Variants in RPE65 observed in about 807,000 individuals in gnomAD.
RPE65 encodes retinoid isomerohydrolase.
In RPE65, 58 loss-of-function variants were observed where a neutral mutation model predicts 68.5. The ratio of observed to expected loss-of-function variants is 0.85; its 90% CI spans 0.69 to 1.05. The LOEUF (loss-of-function observed/expected upper bound fraction) is 1.05, where lower values mean the gene tolerates loss of function less well. Ranked by LOEUF, RPE65 falls within the 50% of genes least tolerant of loss-of-function variation. RPE65 has a pLI of 0.00. For synonymous variants in RPE65, 220 were observed against 222.2 expected, an observed-to-expected ratio of 0.99 and a Z score of 0.09; for missense variants, 643 against 629.9, an observed-to-expected ratio of 1.02 and a Z score of -0.22.
In RPE65 at chr1:68,441,506, T is replaced by C. The variant is rs541682064; in HGVS notation, c.496-506A>G. On this transcript the variant is annotated intron_variant, in intron 5 of 13. Transcript: ENST00000262340. ...CTTCATCTAGTATAGAAAGTCTTAATTTAAATAGACTTTAGGAGAACCATG... is the reference window on the plus strand; with the variant it reads ...CTTCATCTAGTATAGAAAGTCTTAACTTAAATAGACTTTAGGAGAACCATG... Among the ~76,000 whole-genome samples the C allele has an allele frequency of 5.1e-4, 77 of 152,218 alleles. No homozygotes were observed. The South Asian group carries it at 6.8e-3, about 14-fold the overall frequency.
At chr1:68,443,668 TTTCTTAAAAGATTTTCC>T (rs1645919020) in intron 5 of RPE65, among the ~76,000 whole-genome samples, 2 of 152,222 alleles carry the variant, frequency 1.3e-5, no homozygotes. Flanking sequence ...GTATTTATGC[TTTCTTAAAAGATTTTCC>T]TTCTTAAAAG....
At chr1:68,446,921 T>G in intron 2 of RPE65, 61 bp from the exon 3 acceptor site, 2 of 1,609,530 alleles carry the variant, frequency 1.2e-6, no homozygotes, top group South Asian at 2.2e-5. Context: ...GGCTTGTCCT[T>G]GGTAAGGCAG....
At chr1:68,448,966 A>G (rs1645962650) in intron 1 of RPE65, among the ~76,000 whole-genome samples, 1 of 152,100 alleles carries the variant, frequency 6.6e-6, no homozygotes, top group African/African-American at 2.4e-5. Flanking sequence ...GTCAAGAGAC[A>G]TGACCTCTCT....
At chr1:68,446,960 T>C in intron 2 of RPE65, 100 bp from the exon 3 acceptor site, 2 of 1,471,012 alleles carry the variant, frequency 1.4e-6, no homozygotes, top group East Asian at 4.5e-5. Context: ...TTGGGCAGCT[T>C]CTTCCTCATA....
At position 68,439,269 on chromosome 1, in the gene RPE65, G is replaced by A; in HGVS notation, c.780C>T (p.Asn260=). 3.1e-6 allele frequency: 5 copies of A among 1,613,982 alleles called. No individual in the cohort carries two copies. Among genetic ancestry groups the A allele is most frequent in the Non-Finnish European group, 4.2e-6 (5 of 1,179,962 alleles). Residue 260 remains asparagine, a synonymous_variant, in exon 8 of 14, where the codon AAC becomes AAT. Coordinates refer to ENST00000262340, the MANE Select transcript of RPE65 (RefSeq NM_000329.3). ...IVFVETPVKI[N]LFKFLSSWSL... ...TCCATGAAGAAAGGAACTTGAACAG[G>A]TTAATTTTGACTGGTGTCTCCACAA...
chr1:68,434,091 GATATATATAT>G (rs56401732), intron 10 of RPE65, among the ~76,000 whole-genome samples: 3 of 138,558 alleles, frequency 2.2e-5, no homozygotes, highest in African/African-American at 8.2e-5. Context: ...GGGCATGAGG[GATATATATAT>G]ATATATATAT....
In RPE65 at chr1:68,444,682, C is replaced by A. The variant is rs1396125750; in HGVS notation, c.354-10G>T. On this transcript the variant is annotated splice_polypyrimidine_tract_variant and intron_variant, in intron 4 of 13. Transcript: ENST00000262340. Reference sequence around the variant, plus strand: ...AAAGTAAGAAAAAAACCTGTAGAAACAAATGAATTTTTCAGTCCAGTAATT... The same window carrying A: ...AAAGTAAGAAAAAAACCTGTAGAAAAAAATGAATTTTTCAGTCCAGTAATT... 1.9e-6 allele frequency: 3 copies of A among 1,613,876 alleles called. No homozygotes were observed. In the African/African-American group the frequency reaches 4.0e-5, roughly 22 times the overall value.
intron 1 of RPE65, 50 bp from the exon 2 acceptor site, chr1:68,448,756 C>A (rs182670797): frequency 6.6e-7 from 1 of 1,517,868 alleles, no homozygotes; most frequent in African/African-American, 1.4e-5. Flanking sequence ...GCTCAAAGTC[C>A]GCAGAGATAG....
Position 68,431,271 on chromosome 1 carries a change from G to A in RPE65, c.1338+11C>T. 6.2e-7 allele frequency: 1 copy of A among 1,612,576 alleles called. No individual in the cohort carries two copies. Among genetic ancestry groups the A allele is most frequent in the South Asian group, 1.1e-5 (1 of 91,048 alleles). On this transcript the variant is annotated intron_variant, in intron 12 of 13. Transcript: ENST00000262340. ...AGCACTGTTCAAATATTAGTAAGAA[G>A]GATTAATTACCCTATCTGGAACAAA...
At chr1:68,447,599 C>T (rs976147043) in intron 2 of RPE65, among the ~76,000 whole-genome samples, 9 of 152,174 alleles carry the variant, frequency 5.9e-5, no homozygotes, top group Non-Finnish European at 1.5e-5. Context: ...CGGTGGCTCG[C>T]GCTTGTAATC....
At chr1:68,443,191 C>T (rs1645915567) in intron 5 of RPE65, among the ~76,000 whole-genome samples, 1 of 152,226 alleles carries the variant, frequency 6.6e-6, no homozygotes. Flanking sequence ...TTTCATCCTA[C>T]CCTGTGTCTC....
Position 68,439,062 on chromosome 1 carries a change from TC to T in RPE65, c.877del (p.Asp293ThrfsTer32). 6.2e-7 allele frequency: 1 copy of T among 1,614,098 alleles called. No homozygotes were observed. Among genetic ancestry groups the T allele is most frequent in the Non-Finnish European group, 8.5e-7 (1 of 1,180,000 alleles). On this transcript the variant is annotated frameshift_variant, in exon 9 of 14. Transcript: ENST00000262340. LOFTEE classifies it high-confidence loss of function. Reference sequence around the variant, plus strand: ...ATTGAGGTACTTTTTCCTTTTTTTGTCAGCAATATGAAGCCAAACCTTGAAA... The same window carrying T: ...ATTGAGGTACTTTTTCCTTTTTTTGTAGCAATATGAAGCCAAACCTTGAAA... ...ETMGVWLHIA[D>X]KKRKKYLNNK... is the part of the protein sequence containing the mutation.
intron 10 of RPE65, among the ~76,000 whole-genome samples, chr1:68,435,857 C>T (rs1185717365): frequency 1.3e-5 from 2 of 152,192 alleles, no homozygotes; most frequent in Non-Finnish European, 2.9e-5. Context: ...TTCTTTCTCT[C>T]TGATACACTA....
chr1:68,440,862 G>T lies in RPE65; in HGVS notation c.634C>A (p.Leu212Met). The T allele has an allele frequency of 6.2e-7, 1 of 1,613,986 alleles. No individual in the cohort carries two copies. The highest frequency in any genetic ancestry group is 1.1e-5 in the South Asian group (1 of 91,076). ...AGATTGGTAAACTCACCTGCTTGCA[G>T]TGGTGGGATCTTTACAATGTTGTAG... is the stretch of plus-strand genomic sequence containing the variant. ...IAYNIVKIPP[L>M]QADKEDPISK... The change falls in exon 6 of 14, where the codon CTG becomes ATG. Residue 212 changes from leucine to methionine, a missense_variant. By Grantham distance (15) the Leu-to-Met change is conservative. Transcript: ENST00000262340.
At chr1:68,439,709 A>G (rs1427278407) in intron 6 of RPE65, 67 bp from the exon 7 acceptor site, 8 of 1,216,672 alleles carry the variant, frequency 6.6e-6, no homozygotes, top group Non-Finnish European at 9.8e-6. Context: ...CAAAGCATTT[A>G]GAACAGCTTA....
At chr1:68,447,509 T>C (rs1002623606) in intron 2 of RPE65, among the ~76,000 whole-genome samples, 1 of 152,174 alleles carries the variant, frequency 6.6e-6, no homozygotes, top group African/African-American at 2.4e-5. Flanking sequence ...CTGCAAAATG[T>C]GGGGTACCCA....
intron 13 of RPE65, 90 bp from the exon 14 acceptor site, chr1:68,430,017 C>T (rs1305718925): frequency 3.3e-6 from 5 of 1,516,856 alleles, no homozygotes; most frequent in Admixed American, 1.8e-5. Context: ...GGAGGTATTA[C>T]ATTGACAAAT....
intron 10 of RPE65, among the ~76,000 whole-genome samples, chr1:68,436,406 A>C (rs939137233): frequency 2.0e-5 from 3 of 151,870 alleles, no homozygotes; most frequent in Non-Finnish European, 4.4e-5. Context: ...TATAAAGTAA[A>C]ATTTATTCTT....
chr1:68,448,693 C>A lies in RPE65; in HGVS notation c.25G>T (p.Ala9Ser). ...TCAAACAGTTTCTTGTAACCACCAGCAGGATGCTCAACCCTGAAATGGTGG... is the reference window on the plus strand; with the variant it reads ...TCAAACAGTTTCTTGTAACCACCAGAAGGATGCTCAACCCTGAAATGGTGG... MSIQVEHPAGGYKKLFETV... is the reference protein window; with the variant it reads MSIQVEHPSGGYKKLFETV... The change falls in exon 2 of 14, where the codon GCT (alanine) becomes TCT (serine). Residue 9 changes from alanine to serine, a missense_variant. Ala to Ser is a moderately conservative substitution (Grantham distance 99, BLOSUM62 1). Coordinates refer to ENST00000262340, the MANE Select transcript of RPE65 (RefSeq NM_000329.3). 6.2e-7 allele frequency: 1 copy of A among 1,613,556 alleles called. No individual in the cohort carries two copies. Among genetic ancestry groups the A allele is most frequent in the Non-Finnish European group, 8.5e-7 (1 of 1,179,816 alleles).
Sources: gnomAD v4.1 joint callset for allele counts (sites outside exome capture counted in the v4.1 genomes callset) on GRCh38, gnomAD v4.1.1 for gene constraint, MANE v1.5 for transcripts, NCBI Gene and HGNC (gene_info 2026-07-23, HGNC 2026-07-21) for gene names.